Variants in SRD5A1 observed in about 807,000 individuals in gnomAD.
SRD5A1 encodes steroid 5 alpha-reductase 1, also known as 3-oxo-5-alpha-steroid 4-dehydrogenase 1.
Under a neutral mutation model 28.2 loss-of-function variants are expected in SRD5A1, and 22 were observed. The ratio of observed to expected loss-of-function variants is 0.78; its 90% CI spans 0.56 to 1.12. The LOEUF is 1.12. Ranked by LOEUF, SRD5A1 falls within the 50% of genes most tolerant of loss-of-function variation. The probability of loss-of-function intolerance (pLI) is 0.00; values close to 1 mark genes in which losing one functional copy is unlikely to be tolerated. For synonymous variants in SRD5A1, 151 were observed against 135.0 expected (o/e 1.12, Z -0.82); for missense variants, 300 against 346.7 (o/e 0.87, Z 1.07).
chr5:6,656,658 C>A (rs930169205), intron 3 of SRD5A1, among the ~76,000 whole-genome samples: 1 of 152,118 alleles, frequency 6.6e-6, no homozygotes, highest in Non-Finnish European at 1.5e-5. Flanking sequence ...TGTGATGAGG[C>A]GCCGACCACC....
intron 1 of SRD5A1, chr5:6,645,308 A>G (rs1738478334): frequency 4.5e-6 from 1 of 223,658 alleles, no homozygotes. Context: ...TGCTCTATTA[A>G]GGTATAATTT....
intron 1 of SRD5A1, among the ~76,000 whole-genome samples, chr5:6,642,269 G>A (rs975505628): frequency 3.9e-5 from 6 of 152,090 alleles, no homozygotes; most frequent in Non-Finnish European, 5.9e-5. Context: ...AAATGGAAGC[G>A]TTGACATCAG....
chr5:6,673,834 T>C lies in SRD5A1; in HGVS notation c.*5566T>C, dbSNP rs1437926749. The C allele has an allele frequency of 1.3e-5, 2 of 152,264 alleles. No homozygotes were observed. Among genetic ancestry groups the C allele is most frequent in the African/African-American group, 2.4e-5 (1 of 41,572 alleles). The allele number at this position is 152,264 out of a possible 1,614,324, so 9.4% of individuals were successfully genotyped here. A position where few individuals can be genotyped will look rare whatever the true frequency, so the allele number is the denominator to read the frequency against. On this transcript the variant is annotated 3_prime_UTR_variant, in exon 5 of 5. Transcript: ENST00000274192. ...AAAGATAAGGAAGAACTTTAATGCA[T>C]ATTGGTAAGTGAAAAAAGCCAGTTT...
chr5:6,641,560 C>T (rs557390190), intron 1 of SRD5A1, among the ~76,000 whole-genome samples: 4 of 152,320 alleles, frequency 2.6e-5, no homozygotes, highest in African/African-American at 9.6e-5. Flanking sequence ...CTGTCCACCA[C>T]TCTGTTGACT....
intron 4 of SRD5A1, among the ~76,000 whole-genome samples, chr5:6,665,953 A>T (rs1739156690): frequency 6.6e-6 from 1 of 152,226 alleles, no homozygotes; most frequent in South Asian, 2.1e-4. Flanking sequence ...TGTCAGTGTG[A>T]AACCAGTTTT....
intron 3 of SRD5A1, among the ~76,000 whole-genome samples, chr5:6,661,447 AGT>A (rs1213244477): frequency 1.3e-5 from 2 of 149,580 alleles, no homozygotes; most frequent in Admixed American, 6.7e-5. Context: ...TGTAAGTTGC[AGT>A]GTGCTCAGAG....
rs1739434168 is a variant in SRD5A1, at chr5:6,673,970, GA to G, written c.*5704del. On this transcript the variant is annotated 3_prime_UTR_variant, in exon 5 of 5. Coordinates refer to ENST00000274192, the MANE Select transcript of SRD5A1 (RefSeq NM_001047.4). ...GGATGAAGGGAGGGATGAACAGGCA[GA>G]ATACAAACAAATTTTAGGGCAGTGA... The G allele has an allele frequency of 6.6e-6, 1 of 152,118 alleles. No individual in the cohort carries two copies. Among genetic ancestry groups the G allele is most frequent in the East Asian group, 1.9e-4 (1 of 5,182 alleles). The allele number at this position is 152,118 out of a possible 1,614,324, so 9.4% of individuals were successfully genotyped here.
intron 1 of SRD5A1, among the ~76,000 whole-genome samples, chr5:6,650,411 G>GAA (rs563990147): frequency 5.3e-5 from 6 of 112,554 alleles, no homozygotes; most frequent in African/African-American, 6.5e-5. Flanking sequence ...ACCCTGTCTT[G>GAA]AAAAAAAAAA....
chr5:6,635,493 G>A (rs1738157324), intron 1 of SRD5A1, among the ~76,000 whole-genome samples: 1 of 152,210 alleles, frequency 6.6e-6, no homozygotes, highest in African/African-American at 2.4e-5. Flanking sequence ...GACCCTGGAT[G>A]AGTTACTAAG....
At chr5:6,648,933 T>C (rs1231802150) in intron 1 of SRD5A1, among the ~76,000 whole-genome samples, 2 of 152,214 alleles carry the variant, frequency 1.3e-5, no homozygotes, top group Admixed American at 6.5e-5. Flanking sequence ...GTTGGCGATA[T>C]CGATACTATT....
Position 6,651,995 on chromosome 5 carries a change from C to G in SRD5A1, c.447C>G (p.Pro149=). Residue 149 remains proline (P), a synonymous_variant, in exon 2 of 5, where the codon CCC becomes CCG. Transcript: ENST00000274192. ...AVYADDWVTD[P]RFLIGFGLWL... is the part of the protein sequence containing the mutation. Reference sequence around the variant, plus strand: ...ATGCTGATGACTGGGTAACAGATCCCCGTTTTCTAATAGGTGAGTGTCCAC... The same window carrying G: ...ATGCTGATGACTGGGTAACAGATCCGCGTTTTCTAATAGGTGAGTGTCCAC... 1 of 1,613,010 alleles carries G rather than the reference C, an allele frequency of 6.2e-7. No individual in the cohort carries two copies. The highest frequency in any genetic ancestry group is 8.5e-7 in the Non-Finnish European group (1 of 1,179,268).
At chr5:6,642,802 A>G (rs528330259) in intron 1 of SRD5A1, among the ~76,000 whole-genome samples, 1 of 152,348 alleles carries the variant, frequency 6.6e-6, no homozygotes. Context: ...AATGTGATGA[A>G]ACTTTATTAA....
intron 1 of SRD5A1, among the ~76,000 whole-genome samples, chr5:6,644,371 CT>C (rs1738447187): frequency 6.6e-6 from 1 of 152,100 alleles, no homozygotes; most frequent in Non-Finnish European, 1.5e-5. Flanking sequence ...CCTTTTATGT[CT>C]TGCTCTTTTT....
Position 6,668,564 on chromosome 5 carries a change from G to A in SRD5A1, c.*296G>A, listed in dbSNP as rs1443506304. The stretch of plus-strand genomic sequence containing the variant: ...CTTTTGGCTATGTCTTGCCAAGTGT[G>A]TATGAGACTAGACTTTACAACTGTC... On this transcript the variant is annotated 3_prime_UTR_variant, in exon 5 of 5. Transcript: ENST00000274192. 3.9e-6 allele frequency: 1 copy of A among 257,694 alleles called. No individual in the cohort carries two copies. The highest frequency in any genetic ancestry group is 7.4e-6 in the Non-Finnish European group (1 of 135,458). 16.0% of individuals were successfully genotyped at this position (257,694 alleles called of 1,614,324 possible). A position where few individuals can be genotyped will look rare whatever the true frequency, so the allele number is the denominator to read the frequency against.
At chr5:6,639,391 T>TA (rs1383641512) in intron 1 of SRD5A1, among the ~76,000 whole-genome samples, 1 of 152,222 alleles carries the variant, frequency 6.6e-6, no homozygotes, top group Non-Finnish European at 1.5e-5. Flanking sequence ...TACTTGGGTT[T>TA]ATACTGTATG....
At chr5:6,649,604 C>G (rs1457694656) in intron 1 of SRD5A1, among the ~76,000 whole-genome samples, 1 of 152,242 alleles carries the variant, frequency 6.6e-6, no homozygotes, top group African/African-American at 2.4e-5. Flanking sequence ...GTTGCGAAGA[C>G]TATGAGAAAA....
chr5:6,645,013 A>G (rs888965894), intron 1 of SRD5A1: 20 of 455,796 alleles, frequency 4.4e-5, no homozygotes, highest in Non-Finnish European at 7.5e-5. Flanking sequence ...ATGCACACTT[A>G]CTGGCCAACA....
chr5:6,655,139 T>C (rs1244975777), intron 2 of SRD5A1, among the ~76,000 whole-genome samples: 1 of 152,250 alleles, frequency 6.6e-6, no homozygotes, highest in African/African-American at 2.4e-5. Flanking sequence ...GTATTCAATG[T>C]CACTGGTGAT....
At chr5:6,638,544 T>C (rs187660465) in intron 1 of SRD5A1, among the ~76,000 whole-genome samples, 14 of 152,366 alleles carry the variant, frequency 9.2e-5, no homozygotes, top group Non-Finnish European at 1.5e-4. Context: ...AGTTTCTGAT[T>C]GCTTTAAGTT....
Sources: gnomAD v4.1 joint callset for allele counts (sites outside exome capture counted in the v4.1 genomes callset) on GRCh38, gnomAD v4.1.1 for gene constraint, MANE v1.5 for transcripts, NCBI Gene and HGNC (gene_info 2026-07-23, HGNC 2026-07-21) for gene names.